Variants in SNX29 observed in about 807,000 individuals in gnomAD.
SNX29 encodes the protein sorting nexin-29.
Under a neutral mutation model 102.1 loss-of-function variants are expected in SNX29, and 78 were observed. The observed-to-expected ratio is 0.76, with a 90% confidence interval of 0.64 to 0.92. The LOEUF (loss-of-function observed/expected upper bound fraction) is 0.92, where lower values mean the gene tolerates loss of function less well. SNX29 is among the 40% of genes least tolerant of loss of function. The probability of loss-of-function intolerance (pLI) is 0.00; values close to 1 mark genes in which losing one functional copy is unlikely to be tolerated. For synonymous variants in SNX29, 580 were observed against 414.5 expected, an observed-to-expected ratio of 1.40 and a Z score of -4.85; for missense variants, 1,280 against 1,061.7, an observed-to-expected ratio of 1.21 and a Z score of -2.86.
At chr16:12,524,194 T>G in intron 19 of SNX29, among the ~76,000 whole-genome samples, 1 of 152,208 alleles carries the variant, frequency 6.6e-6, no homozygotes, top group African/African-American at 2.4e-5. Context: ...TGTTTATTAA[T>G]AAAACCTCTT....
At chr16:12,230,889 C>T (rs966942372) in intron 14 of SNX29, among the ~76,000 whole-genome samples, 1 of 152,148 alleles carries the variant, frequency 6.6e-6, no homozygotes, top group Admixed American at 6.6e-5. Context: ...CTCTGTCACC[C>T]AGGCTGGAGT....
In SNX29 at chr16:11,999,319, A is replaced by G; in HGVS notation, c.30A>G (p.Arg10=). 6.2e-7 allele frequency: 1 copy of G among 1,614,140 alleles called. No individual in the cohort carries two copies. The highest frequency in any genetic ancestry group is 8.5e-7 in the Non-Finnish European group (1 of 1,179,972). The change falls in exon 2 of 21, where the codon AGA becomes AGG. Residue 10 remains arginine, a synonymous_variant. Coordinates refer to ENST00000566228, the MANE Select transcript of SNX29 (RefSeq NM_032167.5). The stretch of plus-strand genomic sequence containing the variant: ...TAGGATCACAGAACAATGACAAAAG[A>G]CAATTTCTGCTGGAGCGACTGCTGG... MSGSQNNDK[R]QFLLERLLDA...
intron 20 of SNX29, among the ~76,000 whole-genome samples, chr16:12,555,521 G>C (rs546210676): frequency 6.6e-6 from 1 of 151,224 alleles, no homozygotes; most frequent in Non-Finnish European, 1.5e-5. Flanking sequence ...ACTGGACAGC[G>C]CCCCTGCTCT....
chr16:12,311,411 C>A (rs2080541079), intron 15 of SNX29, among the ~76,000 whole-genome samples: 1 of 152,226 alleles, frequency 6.6e-6, no homozygotes, highest in African/African-American at 2.4e-5. Flanking sequence ...ATAGGGACCT[C>A]CCAGGCAGGG....
intron 14 of SNX29, among the ~76,000 whole-genome samples, chr16:12,250,296 A>T (rs1015752389): frequency 6.6e-6 from 1 of 152,196 alleles, no homozygotes; most frequent in African/African-American, 2.4e-5. Flanking sequence ...GCCAAAATAT[A>T]TAGTGGTCCT....
At chr16:12,565,403 CT>C (rs2078956547) in intron 20 of SNX29, among the ~76,000 whole-genome samples, 1 of 151,574 alleles carries the variant, frequency 6.6e-6, no homozygotes, top group Non-Finnish European at 1.5e-5. Context: ...ATCCACTCAA[CT>C]TGTCCCAAAT....
At position 12,126,638 on chromosome 16, in the gene SNX29, C is replaced by T. The variant is rs1327972656; in HGVS notation, c.1408C>T (p.Leu470=). The change falls in exon 12 of 21, where the codon CTG becomes TTG. Residue 470 remains leucine, a synonymous_variant. Transcript: ENST00000566228. ...SVPESMTISE[L]RQATVAMMNR... ...ACTTTGTTTTCTTCCCTTAGGTGAA[C>T]TGCGCCAGGCCACTGTGGCCATGAT... 6.2e-7 allele frequency: 1 copy of T among 1,613,868 alleles called. No individual in the cohort carries two copies. The highest frequency in any genetic ancestry group is 8.5e-7 in the Non-Finnish European group (1 of 1,179,886).
At chr16:12,427,877 C>A (rs1240886853) in intron 18 of SNX29, among the ~76,000 whole-genome samples, 1 of 152,212 alleles carries the variant, frequency 6.6e-6, no homozygotes, top group East Asian at 1.9e-4. Flanking sequence ...GGGCAAGTTC[C>A]CAGAGCAGTT....
At chr16:12,324,022 T>C (rs2081041336) in intron 15 of SNX29, among the ~76,000 whole-genome samples, 1 of 151,454 alleles carries the variant, frequency 6.6e-6, no homozygotes, top group African/African-American at 2.5e-5. Flanking sequence ...ACGTACTCCC[T>C]CAATTTATCC....
intron 18 of SNX29, among the ~76,000 whole-genome samples, chr16:12,409,403 G>A (rs969333526): frequency 6.7e-6 from 1 of 150,336 alleles, no homozygotes; most frequent in African/African-American, 2.4e-5. Context: ...GACTCCAAAC[G>A]GGTTTGAGAT....
intron 11 of SNX29, among the ~76,000 whole-genome samples, chr16:12,088,640 C>A (rs2052339527): frequency 6.6e-6 from 1 of 152,168 alleles, no homozygotes. Context: ...TGCTGGATCC[C>A]TTTTTCCATT....
intron 3 of SNX29, among the ~76,000 whole-genome samples, chr16:12,003,473 AT>A (rs774966724): frequency 2.0e-5 from 3 of 152,198 alleles, no homozygotes; most frequent in Non-Finnish European, 4.4e-5. Context: ...CAACAGAAAA[AT>A]GCATAGGTAG....
At chr16:12,190,250 A>C (rs1466401296) in intron 13 of SNX29, among the ~76,000 whole-genome samples, 1 of 151,222 alleles carries the variant, frequency 6.6e-6, no homozygotes, top group African/African-American at 2.4e-5. Flanking sequence ...TTCCACTTCC[A>C]CTCCTGATTG....
At chr16:12,256,515 A>G (rs1329600326) in intron 14 of SNX29, among the ~76,000 whole-genome samples, 1 of 152,126 alleles carries the variant, frequency 6.6e-6, no homozygotes, top group Non-Finnish European at 1.5e-5. Context: ...TGTAGCAGAG[A>G]CGAGGTTTCA....
chr16:12,572,493 G>C lies in SNX29; in HGVS notation c.*3864G>C. The C allele has an allele frequency of 9.4e-7, 1 of 1,064,002 alleles. No individual in the cohort carries two copies. Among genetic ancestry groups the C allele is most frequent in the Non-Finnish European group, 1.1e-6 (1 of 878,444 alleles). The allele number at this position is 1,064,002 out of a possible 1,614,324, so 65.9% of individuals were successfully genotyped here. On this transcript the variant is annotated 3_prime_UTR_variant, in exon 21 of 21. Transcript: ENST00000566228. ...CTGAGGACCAGTTCTTGGGGTTCCA[G>C]GCCTCGGCCTTCCTGCTCCACGTGC...
chr16:12,161,845 C>G (rs750509739), intron 13 of SNX29, among the ~76,000 whole-genome samples: 6 of 152,052 alleles, frequency 3.9e-5, no homozygotes, highest in Admixed American at 1.3e-4. Context: ...TGAGGCTTCA[C>G]TAGAAGCAGG....
At chr16:12,206,747 G>A (rs2077053173) in intron 14 of SNX29, among the ~76,000 whole-genome samples, 1 of 150,738 alleles carries the variant, frequency 6.6e-6, no homozygotes, top group Non-Finnish European at 1.5e-5. Context: ...GAGTCACCTG[G>A]GAAATTTTTA....
At chr16:12,019,311 C>A (rs1237189351) in intron 3 of SNX29, among the ~76,000 whole-genome samples, 1 of 151,982 alleles carries the variant, frequency 6.6e-6, no homozygotes, top group Non-Finnish European at 1.5e-5. Flanking sequence ...AGGTTCACGC[C>A]ATTCTCCTGC....
chr16:12,368,611 G>A (rs1409599953), intron 16 of SNX29, among the ~76,000 whole-genome samples: 2 of 152,180 alleles, frequency 1.3e-5, no homozygotes, highest in Non-Finnish European at 2.9e-5. Context: ...TGGTTATTTG[G>A]CATGGAGACA....
Sources: allele counts gnomAD v4.1 joint callset (sites outside exome capture counted in the v4.1 genomes callset), GRCh38; gene constraint gnomAD v4.1.1; transcripts MANE v1.5; gene names NCBI Gene and HGNC (gene_info 2026-07-23, HGNC 2026-07-21).